TLN2: variants seen among roughly 807,000 people sequenced by gnomAD.
TLN2 encodes the protein talin 2.
Under a neutral mutation model 294.7 loss-of-function variants are expected in TLN2, and 118 were observed. That is an observed-to-expected ratio of 0.40 (90% CI 0.34 to 0.47). The LOEUF is 0.47. Ranked by LOEUF, TLN2 falls within the 20% of genes least tolerant of loss-of-function variation. TLN2 has a pLI of 0.84. For synonymous variants in TLN2, 1,431 were observed against 1,304.5 expected, an observed-to-expected ratio of 1.10 and a Z score of -2.09; for missense variants, 3,083 against 3,282.2, an observed-to-expected ratio of 0.94 and a Z score of 1.48.
chr15:62,521,581 A>C (rs888103094), intron 1 of TLN2, among the ~76,000 whole-genome samples: 1 of 152,142 alleles, frequency 6.6e-6, no homozygotes, highest in Admixed American at 6.5e-5. Flanking sequence ...GCTTGAGTTA[A>C]GATGAGGGGG....
In TLN2 at chr15:62,702,774, G is replaced by T; in HGVS notation, c.1914G>T (p.Gln638His). 6.2e-7 allele frequency: 1 copy of T among 1,614,182 alleles called. No homozygotes were observed. Among genetic ancestry groups the T allele is most frequent in the Non-Finnish European group, 8.5e-7 (1 of 1,180,006 alleles). ...GTGTTGTTTGTTCACAGCCTCGACA[G>T]ACAGTTTTGACTGCTGCTGGCAGCA... Reference protein sequence around the residue: ...AVQPTSGEPRQTVLTAAGSIG... With the variant: ...AVQPTSGEPRHTVLTAAGSIG... The change falls in exon 19 of 59, where the codon CAG becomes CAT. Residue 638 changes from glutamine to histidine, a missense_variant. Transcript: ENST00000636159.
intron 3 of TLN2, among the ~76,000 whole-genome samples, chr15:62,645,481 A>G (rs1488763818): frequency 6.6e-6 from 1 of 152,236 alleles, no homozygotes; most frequent in Non-Finnish European, 1.5e-5. Context: ...GACGGCCTGA[A>G]AGGTTGCTTT....
At chr15:62,837,957 G>A (rs149645756) in intron 57 of TLN2, among the ~76,000 whole-genome samples, 1 of 152,310 alleles carries the variant, frequency 6.6e-6, no homozygotes, top group East Asian at 1.9e-4. Flanking sequence ...AGAAATAAGA[G>A]AGGTTTAATG....
At chr15:62,676,682 G>A (rs1002148389) in intron 11 of TLN2, among the ~76,000 whole-genome samples, 4 of 152,092 alleles carry the variant, frequency 2.6e-5, no homozygotes, top group African/African-American at 9.7e-5. Flanking sequence ...TGGCGCGATC[G>A]TGGCTCATTG....
chr15:62,801,672 C>G (rs561288082), intron 50 of TLN2, among the ~76,000 whole-genome samples: 14 of 152,312 alleles, frequency 9.2e-5, no homozygotes, highest in African/African-American at 3.1e-4. Context: ...GCGCTCAGTT[C>G]ATGCTTTAAA....
At chr15:62,568,160 G>C (rs1235334466) in intron 1 of TLN2, among the ~76,000 whole-genome samples, 1 of 152,144 alleles carries the variant, frequency 6.6e-6, no homozygotes, top group Non-Finnish European at 1.5e-5. Flanking sequence ...GCTTGGGCAA[G>C]GAACATGGTC....
At chr15:62,562,030 T>G (rs2043007233) in intron 1 of TLN2, among the ~76,000 whole-genome samples, 1 of 152,172 alleles carries the variant, frequency 6.6e-6, no homozygotes, top group Admixed American at 6.5e-5. Flanking sequence ...CCTTTTCAAC[T>G]TATAAGCTCC....
chr15:62,836,858 T>G (rs905913391), intron 57 of TLN2, among the ~76,000 whole-genome samples: 38 of 152,336 alleles, frequency 2.5e-4, no homozygotes, highest in African/African-American at 7.0e-4. Flanking sequence ...CGAGATACAT[T>G]CTGCTTTCTT....
In TLN2 at chr15:62,739,544, A is replaced by G. The variant is rs1225759413; in HGVS notation, c.3884A>G (p.Gln1295Arg). 6.2e-7 allele frequency: 1 copy of G among 1,614,058 alleles called. No homozygotes were observed. Among genetic ancestry groups the G allele is most frequent in the Non-Finnish European group, 8.5e-7 (1 of 1,180,002 alleles). The change falls in exon 31 of 59, where the codon CAG becomes CGG. Residue 1295 changes from glutamine (Q) to arginine (R), a missense_variant and splice_region_variant. Transcript: ENST00000636159. The part of the protein sequence containing the change: ...DAGIEMAGQA[Q>R]TKEDQIQVIG... ...GGCATTGAGATGGCTGGCCAAGCTC[A>G]GGTGGGTGTGGAGGTGGTTGTCTGG...
chr15:62,447,557 C>T (rs938435218), intron 1 of TLN2, among the ~76,000 whole-genome samples: 19 of 150,204 alleles, frequency 1.3e-4, no homozygotes, highest in African/African-American at 4.7e-4. Flanking sequence ...TGCAATGGCG[C>T]GATCTTGCTC....
intron 2 of TLN2, among the ~76,000 whole-genome samples, chr15:62,612,598 A>C (rs192489414): frequency 6.6e-6 from 1 of 152,318 alleles, no homozygotes; most frequent in Non-Finnish European, 1.5e-5. Context: ...AAACCATAGC[A>C]GTCTGAGATA....
chr15:62,761,724 G>C lies in TLN2; in HGVS notation c.4682G>C (p.Arg1561Pro). The change falls in exon 38 of 59, where the codon CGC becomes CCC. Residue 1561 changes from arginine to proline, a missense_variant. By Grantham distance (103) the Arg-to-Pro change is moderately radical. Coordinates refer to ENST00000636159, the MANE Select transcript of TLN2 (RefSeq NM_015059.3). ...DFSEDNRNKC[R>P]IATAPLIEAV... ...TCTGAAGACAACCGCAATAAGTGTC[G>C]CATCGCCACCGCACCCTTGATTGAA... 1 of 1,614,130 alleles carries C rather than the reference G, an allele frequency of 6.2e-7. No homozygotes were observed. Among genetic ancestry groups the C allele is most frequent in the Non-Finnish European group, 8.5e-7 (1 of 1,180,028 alleles).
chr15:62,394,958 A>C (rs749539773), intron 1 of TLN2, among the ~76,000 whole-genome samples: 10 of 152,124 alleles, frequency 6.6e-5, no homozygotes, highest in Non-Finnish European at 1.5e-4. Flanking sequence ...TTTTTCTCTT[A>C]ATCAACAATT....
chr15:62,669,652 A>AT (rs1252241694), intron 9 of TLN2, among the ~76,000 whole-genome samples: 2 of 152,036 alleles, frequency 1.3e-5, no homozygotes, highest in African/African-American at 2.4e-5. Flanking sequence ...AGTCTGACCC[A>AT]TTTTTTCTCT....
intron 43 of TLN2, among the ~76,000 whole-genome samples, 189 bp downstream of exon 43, chr15:62,777,099 G>A (rs1210674750): frequency 6.6e-6 from 1 of 152,292 alleles, no homozygotes; most frequent in African/African-American, 2.4e-5. Context: ...ACTTTTGTAA[G>A]CCAGTTGTGC....
At chr15:62,762,918 ACT>A (rs2062765703) in intron 39 of TLN2, among the ~76,000 whole-genome samples, 3 of 152,202 alleles carry the variant, frequency 2.0e-5, no homozygotes, top group Admixed American at 1.3e-4. Context: ...GCCTGCAGTA[ACT>A]CTGAGCATCT....
chr15:62,622,861 A>C (rs1182066635), intron 3 of TLN2, among the ~76,000 whole-genome samples: 1 of 152,210 alleles, frequency 6.6e-6, no homozygotes, highest in African/African-American at 2.4e-5. Flanking sequence ...CTCTTGGGCC[A>C]GTTCTGTATC....
rs569650595 is a variant in TLN2, at chr15:62,818,247, C to G, written c.6772-1269C>G. 3.3e-5 allele frequency among the ~76,000 whole-genome samples: 5 copies of G among 152,280 alleles called. No individual in the cohort carries two copies. The South Asian group carries it at 1.0e-3, about 32-fold the overall frequency. ...TCATTTCCAAAGCTGATGCTTTGTC[C>G]CCTACTCAGAGGCTCCAAAATTGTG... is the stretch of plus-strand genomic sequence containing the variant. On this transcript the variant is annotated intron_variant, in intron 52 of 58. Transcript: ENST00000636159.
chr15:62,671,176 A>G (rs2055368151), intron 9 of TLN2, among the ~76,000 whole-genome samples: 1 of 152,170 alleles, frequency 6.6e-6, no homozygotes, highest in Non-Finnish European at 1.5e-5. Context: ...TATTCTGTAT[A>G]TATTGTAATT....
Sources: allele counts gnomAD v4.1 joint callset (sites outside exome capture counted in the v4.1 genomes callset), GRCh38; gene constraint gnomAD v4.1.1; transcripts MANE v1.5; gene names NCBI Gene and HGNC (gene_info 2026-07-23, HGNC 2026-07-21).